Variants in ECHDC2 observed in about 807,000 individuals in gnomAD.
The protein encoded by ECHDC2 is enoyl-CoA hydratase domain containing 2.
A neutral mutation model predicts 40.6 loss-of-function variants in ECHDC2; 34 were observed. That is an observed-to-expected ratio of 0.84 (90% confidence interval 0.64 to 1.11). The LOEUF (loss-of-function observed/expected upper bound fraction) is 1.11. Ranked by LOEUF, ECHDC2 falls within the 50% of genes most tolerant of loss-of-function variation. ECHDC2 has a pLI of 0.00. For synonymous variants in ECHDC2, 162 were observed against 166.6 expected (o/e 0.97, Z 0.21); for missense variants, 392 against 400.7 (o/e 0.98, Z 0.19).
At chr1:52,912,552 A>G (rs1002973845) in intron 1 of ECHDC2, among the ~76,000 whole-genome samples, 1 of 151,916 alleles carries the variant, frequency 6.6e-6, no homozygotes, top group African/African-American at 2.4e-5. Flanking sequence ...TTGAGGAGTT[A>G]TGATAAGGCA....
chr1:52,904,990 C>T, intron 6 of ECHDC2, 44 bp downstream of exon 6: 1 of 1,613,386 alleles, frequency 6.2e-7, no homozygotes, highest in Admixed American at 1.7e-5. Context: ...CAGCGAAGGA[C>T]CCTGGATGGG....
chr1:52,907,023 C>T (rs1391636677), intron 4 of ECHDC2: 7 of 150,776 alleles, frequency 4.6e-5, no homozygotes, highest in South Asian at 2.1e-4. Context: ...CCTCGTGATC[C>T]GCCCGCCTCA....
In ECHDC2 at chr1:52,896,232, T is replaced by G; in HGVS notation, c.*288A>C. 2.7e-6 allele frequency: 1 copy of G among 377,294 alleles called. No homozygotes were observed. The highest frequency in any genetic ancestry group is 5.0e-6 in the Non-Finnish European group (1 of 198,692). 23.4% of individuals were successfully genotyped at this position (377,294 alleles called of 1,614,324 possible). On this transcript the variant is annotated 3_prime_UTR_variant, in exon 10 of 10. Coordinates refer to ENST00000371522, the MANE Select transcript of ECHDC2 (RefSeq NM_001198961.2). Reference sequence around the variant, plus strand: ...CCAATGATACCAAGACTCAGAGAGATCTAATTTAATTCTTTATCATTCAAG... The same window carrying G: ...CCAATGATACCAAGACTCAGAGAGAGCTAATTTAATTCTTTATCATTCAAG...
intron 1 of ECHDC2, among the ~76,000 whole-genome samples, chr1:52,918,716 A>G (rs1651273244): frequency 6.6e-6 from 1 of 152,260 alleles, no homozygotes. Context: ...AAAAGTTTAT[A>G]AAGTAAAAAC....
rs1355033925 is a variant in ECHDC2 at position 52,896,846 on chromosome 1, C to T, written c.802-249G>A. 5 of 488,006 alleles carry T rather than the reference C, an allele frequency of 1.0e-5. No homozygotes were observed. In the South Asian group the frequency reaches 1.5e-4, roughly 15 times the overall value. 30.2% of individuals were successfully genotyped at this position (488,006 alleles called of 1,614,324 possible). On this transcript the variant is annotated intron_variant, in intron 9 of 9. Transcript: ENST00000371522. ...CCACTTGCACACTGCTTTCATGCCT[C>T]CTGAGAACTCAGCTGCCGTCTGCAG...
intron 1 of ECHDC2, chr1:52,912,092 AG>A: frequency 7.7e-7 from 1 of 1,305,418 alleles, no homozygotes; most frequent in Non-Finnish European, 9.9e-7. Context: ...TGCTGTTGTT[AG>A]ACAGACAGAC....
At chr1:52,902,338 G>A (rs1301330399) in intron 7 of ECHDC2, among the ~76,000 whole-genome samples, 1 of 151,902 alleles carries the variant, frequency 6.6e-6, no homozygotes, top group Non-Finnish European at 1.5e-5. Flanking sequence ...TGTAATTTTA[G>A]TAAAGACAGG....
intron 1 of ECHDC2, among the ~76,000 whole-genome samples, chr1:52,920,871 T>C (rs1651723911): frequency 6.6e-6 from 1 of 152,190 alleles, no homozygotes; most frequent in South Asian, 2.1e-4. Flanking sequence ...CCCTGATGGT[T>C]ACCAGCAGAG....
rs558667398 is a variant in ECHDC2, at chr1:52,919,690, C to G, written c.121+1863G>C. ...TAACAGTGCTCTTGTGCCATCAGCC[C>G]CAGTGGAAGGCAGAACCTGCAGCTT... On this transcript the variant is annotated intron_variant, in intron 1 of 9. Transcript: ENST00000371522. 9.2e-5 allele frequency among the ~76,000 whole-genome samples: 14 copies of G among 152,292 alleles called. No homozygotes were observed. The East Asian group carries it at 2.3e-3, about 25-fold the overall frequency.
intron 8 of ECHDC2, 31 bp from the exon 9 acceptor site, chr1:52,897,515 C>G: frequency 1.2e-6 from 2 of 1,613,742 alleles, no homozygotes; most frequent in Non-Finnish European, 1.7e-6. Flanking sequence ...CTGGATTGGT[C>G]TGACCTTGTC....
At chr1:52,917,573 A>G (rs760745278) in intron 1 of ECHDC2, 1 of 456,044 alleles carries the variant, frequency 2.2e-6, no homozygotes, top group South Asian at 1.5e-5. Context: ...TAGAGGAGGG[A>G]GGATGGAAAG....
chr1:52,908,105 A>T (rs1305327013), intron 3 of ECHDC2, 151 bp from the exon 4 acceptor site: 1 of 660,432 alleles, frequency 1.5e-6, no homozygotes, highest in African/African-American at 1.8e-5. Flanking sequence ...GTCAAGGGAA[A>T]AGAGGAGCAT....
intron 5 of ECHDC2, 81 bp from the exon 6 acceptor site, chr1:52,905,171 C>A: frequency 6.7e-7 from 1 of 1,491,424 alleles, no homozygotes; most frequent in Non-Finnish European, 9.2e-7. Context: ...GCTGCCTCTG[C>A]TGTCTACTCG....
In ECHDC2 at chr1:52,898,028, G is replaced by A. The variant is rs144341764; in HGVS notation, c.754-544C>T. ...CTTCTTCCCTCACTCTCATCTGGACGAGCTGCTTGCTTATCCTCCTCTGTG... is the reference window on the plus strand; with the variant it reads ...CTTCTTCCCTCACTCTCATCTGGACAAGCTGCTTGCTTATCCTCCTCTGTG... On this transcript the variant is annotated intron_variant, in intron 8 of 9. Coordinates refer to ENST00000371522, the MANE Select transcript of ECHDC2 (RefSeq NM_001198961.2). 848 of 176,194 alleles carry A rather than the reference G, an allele frequency of 4.8e-3. 3 individuals are homozygous for A. The highest frequency in any genetic ancestry group is 7.4e-3 in the Non-Finnish European group (602 of 81,182). 10.9% of individuals were successfully genotyped at this position (176,194 alleles called of 1,614,324 possible).
rs778241457 is a variant in ECHDC2, at chr1:52,905,102, G to C, written c.458-12C>G. ...GACTGCCGAGGAAGCTGCTCAGATA[G>C]AACAAAGTGAGGCCTCCCTCCCCCA... On this transcript the variant is annotated splice_polypyrimidine_tract_variant and intron_variant, in intron 5 of 9. Coordinates refer to ENST00000371522, the MANE Select transcript of ECHDC2 (RefSeq NM_001198961.2). 1 of 1,613,870 alleles carries C rather than the reference G, an allele frequency of 6.2e-7. No homozygotes were observed. Among genetic ancestry groups the C allele is most frequent in the South Asian group, 1.1e-5 (1 of 90,994 alleles).
chr1:52,905,275 G>C, intron 5 of ECHDC2, 185 bp from the exon 6 acceptor site: 1 of 617,534 alleles, frequency 1.6e-6, no homozygotes, highest in Non-Finnish European at 2.9e-6. Context: ...AGGAGCCCAG[G>C]CCCTTATTTC....
At chr1:52,908,954 A>T (rs914788906) in intron 3 of ECHDC2, among the ~76,000 whole-genome samples, 1 of 149,880 alleles carries the variant, frequency 6.7e-6, no homozygotes, top group East Asian at 1.9e-4. Flanking sequence ...AAAAAAAAAA[A>T]GGAAAAAGGA....
chr1:52,896,427 G>T lies in ECHDC2; in HGVS notation c.*93C>A. On this transcript the variant is annotated 3_prime_UTR_variant, in exon 10 of 10. Transcript: ENST00000371522. ...TTGTGAAGAAATGGAAGTCTGGAGA[G>T]GTGAAATGATGAAGGCAATCTGGCC... 1.0e-6 allele frequency: 1 copy of T among 966,548 alleles called. No homozygotes were observed. The highest frequency in any genetic ancestry group is 1.7e-6 in the Non-Finnish European group (1 of 591,006). 59.9% of individuals were successfully genotyped at this position (966,548 alleles called of 1,614,324 possible). A position where few individuals can be genotyped will look rare whatever the true frequency, so the allele number is the denominator to read the frequency against.
At chr1:52,906,142 C>T (rs1647744344) in intron 5 of ECHDC2, 1 of 360,558 alleles carries the variant, frequency 2.8e-6, no homozygotes, top group African/African-American at 2.1e-5. Context: ...GTGATTAGCT[C>T]AGCCATTGAC....
Sources: allele counts gnomAD v4.1 joint callset (sites outside exome capture counted in the v4.1 genomes callset), GRCh38; gene constraint gnomAD v4.1.1; transcripts MANE v1.5; gene names NCBI Gene and HGNC (gene_info 2026-07-23, HGNC 2026-07-21).